DTL: variants seen among roughly 807,000 people sequenced by gnomAD.
DTL encodes denticleless E3 ubiquitin protein ligase adapter, also known as denticleless protein homolog.
DTL carries 46 observed loss-of-function variants against 87.0 expected under a neutral mutation model. That is an observed-to-expected ratio of 0.53 (90% CI 0.42 to 0.68). The LOEUF (loss-of-function observed/expected upper bound fraction) is 0.68, where lower values mean the gene tolerates loss of function less well. Ranked by LOEUF, DTL falls within the 30% of genes least tolerant of loss-of-function variation. The pLI is 0.00. For missense variants in DTL, 737 were observed against 869.4 expected, an observed-to-expected ratio of 0.85 and a Z score of 1.91; for synonymous variants, 308 against 311.2, an observed-to-expected ratio of 0.99 and a Z score of 0.11.
At chr1:212,056,372 G>A (rs1014354742) in intron 5 of DTL, among the ~76,000 whole-genome samples, 2 of 152,250 alleles carry the variant, frequency 1.3e-5, no homozygotes, top group South Asian at 2.1e-4. Flanking sequence ...ATCTACCAAC[G>A]AAACCAGATA....
chr1:212,051,442 C>CTTTTTT (rs958429363), intron 5 of DTL: 8 of 197,226 alleles, frequency 4.1e-5, no homozygotes, highest in African/African-American at 2.0e-4. Flanking sequence ...ATATGAAATT[C>CTTTTTT]TTTTTTTTTT....
intron 5 of DTL, among the ~76,000 whole-genome samples, chr1:212,058,028 A>G (rs538660915): frequency 1.3e-5 from 2 of 152,310 alleles, no homozygotes; most frequent in African/African-American, 4.8e-5. Context: ...GGATATATCA[A>G]TTGTAAACAT....
In DTL at chr1:212,080,747, C is replaced by A; in HGVS notation, c.1258C>A (p.Leu420Ile). Residue 420 changes from leucine to isoleucine, a missense_variant, in exon 13 of 15, where the codon CTA (leucine) becomes ATA (isoleucine). Leu to Ile is a conservative substitution (Grantham distance 5, BLOSUM62 2). Coordinates refer to ENST00000366991, the MANE Select transcript of DTL (RefSeq NM_016448.4). ...SQKKKESRPG[L>I]VTVTSSQSTP... Reference sequence around the variant, plus strand: ...GAAGAAAAAAGAGTCAAGACCTGGCCTAGGTAAGGATATCATATACTTTCC... The same window carrying A: ...GAAGAAAAAAGAGTCAAGACCTGGCATAGGTAAGGATATCATATACTTTCC... 14 of 1,613,268 alleles carry A rather than the reference C, an allele frequency of 8.7e-6. No homozygotes were observed. Among genetic ancestry groups the A allele is most frequent in the Non-Finnish European group, 1.1e-5 (13 of 1,179,456 alleles).
chr1:212,098,847 G>GCTTGCCTTGTCCAT (rs1655525552), intron 13 of DTL, among the ~76,000 whole-genome samples: 1 of 152,018 alleles, frequency 6.6e-6, no homozygotes. Context: ...AGCAAGCAGG[G>GCTTGCCTTGTCCAT]CTGTTAGGCC....
At chr1:212,102,775 C>G in intron 14 of DTL, 67 bp from the exon 15 acceptor site, 2 of 1,125,876 alleles carry the variant, frequency 1.8e-6, no homozygotes, top group South Asian at 1.3e-5. Context: ...TAAGGTATGC[C>G]TTAGTAATAA....
At chr1:212,085,086 CAT>C (rs1419925285) in intron 13 of DTL, among the ~76,000 whole-genome samples, 1 of 152,178 alleles carries the variant, frequency 6.6e-6, no homozygotes, top group African/African-American at 2.4e-5. Flanking sequence ...AAAGTCTGCA[CAT>C]GTTTAGTACA....
chr1:212,084,219 T>G (rs1351956425), intron 13 of DTL, among the ~76,000 whole-genome samples: 1 of 150,102 alleles, frequency 6.7e-6, no homozygotes, highest in Non-Finnish European at 1.5e-5. Flanking sequence ...TTTTTTTTTT[T>G]GAGACAAAGT....
chr1:212,073,565 A>G (rs1190073961), intron 11 of DTL, among the ~76,000 whole-genome samples: 1 of 152,136 alleles, frequency 6.6e-6, no homozygotes, highest in Non-Finnish European at 1.5e-5. Context: ...ATTTCTTCCA[A>G]TCCTGAGGGA....
At chr1:212,086,547 G>A (rs1255894874) in intron 13 of DTL, among the ~76,000 whole-genome samples, 2 of 151,926 alleles carry the variant, frequency 1.3e-5, no homozygotes, top group East Asian at 1.9e-4. Context: ...GCACCACCAC[G>A]CCTGGATAAT....
chr1:212,079,660 TAAATA>T (rs1401859500), intron 12 of DTL, among the ~76,000 whole-genome samples: 1 of 152,170 alleles, frequency 6.6e-6, no homozygotes, highest in Admixed American at 6.6e-5. Context: ...GTGTGAGAAT[TAAATA>T]AGATAAAGAA....
At chr1:212,082,171 G>A (rs1334266891) in intron 13 of DTL, among the ~76,000 whole-genome samples, 2 of 152,134 alleles carry the variant, frequency 1.3e-5, no homozygotes, top group Admixed American at 6.5e-5. Flanking sequence ...TTGATTTGAT[G>A]TTTCTGGTAT....
At chr1:212,060,564 C>T (rs1408997962) in intron 5 of DTL, among the ~76,000 whole-genome samples, 1 of 151,898 alleles carries the variant, frequency 6.6e-6, no homozygotes, top group African/African-American at 2.4e-5. Context: ...GGCAAAACCC[C>T]ACCTCTACTA....
intron 1 of DTL, among the ~76,000 whole-genome samples, chr1:212,040,491 C>T (rs1441313573): frequency 2.0e-5 from 3 of 152,082 alleles, no homozygotes; most frequent in East Asian, 3.9e-4. Flanking sequence ...ACAATTATAA[C>T]GATATTCTGT....
intron 7 of DTL, among the ~76,000 whole-genome samples, chr1:212,066,255 A>G (rs1654494917): frequency 6.6e-6 from 1 of 152,154 alleles, no homozygotes; most frequent in Admixed American, 6.5e-5. Context: ...AACAGGACAC[A>G]AGCATGAATG....
chr1:212,056,261 G>C (rs930257135), intron 5 of DTL, among the ~76,000 whole-genome samples: 1 of 152,162 alleles, frequency 6.6e-6, no homozygotes, highest in African/African-American at 2.4e-5. Flanking sequence ...GGACACACAG[G>C]CTCAGACCAC....
intron 5 of DTL, among the ~76,000 whole-genome samples, chr1:212,060,118 G>T (rs1250255115): frequency 1.3e-5 from 2 of 152,208 alleles, no homozygotes; most frequent in East Asian, 3.9e-4. Context: ...TACAGATTCA[G>T]TGCAATCCCC....
rs1194138800 is a variant in DTL at position 212,062,935 on chromosome 1, G to T, written c.512G>T (p.Arg171Met). The change falls in exon 6 of 15, where the codon AGG (arginine) becomes ATG (methionine). Residue 171 changes from arginine to methionine, a missense_variant. Arg to Met is a moderately conservative substitution (Grantham distance 91). Coordinates refer to ENST00000366991, the MANE Select transcript of DTL (RefSeq NM_016448.4). ...GGCAACATTATGGTCTGGGATACCA[G>T]GTGCAACAAAAAAGGTTATCTAGAT... ...RDGNIMVWDT[R>M]CNKKDGFYRQ... The T allele has an allele frequency of 6.2e-7, 1 of 1,612,992 alleles. No individual in the cohort carries two copies. The highest frequency in any genetic ancestry group is 1.7e-5 in the Admixed American group (1 of 60,018).
chr1:212,044,422 T>C (rs1667747267), intron 2 of DTL, among the ~76,000 whole-genome samples: 1 of 152,046 alleles, frequency 6.6e-6, no homozygotes, highest in African/African-American at 2.4e-5. Flanking sequence ...CTGACCAGCA[T>C]GGTGAAACCC....
chr1:212,059,034 TA>T (rs1668259869), intron 5 of DTL, among the ~76,000 whole-genome samples: 1 of 152,020 alleles, frequency 6.6e-6, no homozygotes, highest in Non-Finnish European at 1.5e-5. Context: ...AAAGCAATAA[TA>T]AAAAGTCTTC....
Sources: allele counts gnomAD v4.1 joint callset (sites outside exome capture counted in the v4.1 genomes callset), GRCh38; gene constraint gnomAD v4.1.1; transcripts MANE v1.5; gene names NCBI Gene and HGNC (gene_info 2026-07-23, HGNC 2026-07-21).